Variants in ODAD4 observed in about 807,000 individuals in gnomAD.
The protein encoded by ODAD4 is outer dynein arm docking complex subunit 4.
A neutral mutation model predicts 51.8 loss-of-function variants in ODAD4; 49 were observed. That is an observed-to-expected ratio of 0.95 (90% CI 0.75 to 1.20). The LOEUF (loss-of-function observed/expected upper bound fraction) is 1.20. ODAD4 is among the 50% of genes most tolerant of loss of function. ODAD4 has a pLI of 0.00. For missense variants in ODAD4, 590 were observed against 586.5 expected (o/e 1.01, Z -0.06); for synonymous variants, 235 against 221.3 (o/e 1.06, Z -0.55).
chr17:41,947,415 G>A lies in ODAD4; in HGVS notation c.1146-1738G>A, dbSNP rs1319120842. 5.9e-5 allele frequency among the ~76,000 whole-genome samples: 9 copies of A among 151,626 alleles called. No individual in the cohort carries two copies. The East Asian group carries it at 1.8e-3, about 30-fold the overall frequency. ...CAGGAGAATTGCTTGAACCCAGGAGGCGAAGGTTGAAGTGAGCCGAGATCA... is the reference window on the plus strand; with the variant it reads ...CAGGAGAATTGCTTGAACCCAGGAGACGAAGGTTGAAGTGAGCCGAGATCA... On this transcript the variant is annotated intron_variant, in intron 8 of 11. Coordinates refer to ENST00000377540, the MANE Select transcript of ODAD4 (RefSeq NM_031421.5).
At chr17:41,957,496 T>C (rs2050748953) in intron 10 of ODAD4, among the ~76,000 whole-genome samples, 1 of 152,202 alleles carries the variant, frequency 6.6e-6, no homozygotes, top group African/African-American at 2.4e-5. Context: ...TAACAGGCCA[T>C]GGACCAGTCA....
chr17:41,952,012 A>G (rs1174579476), intron 9 of ODAD4, among the ~76,000 whole-genome samples: 1 of 151,856 alleles, frequency 6.6e-6, no homozygotes, highest in Non-Finnish European at 1.5e-5. Flanking sequence ...AGCCTGGGCA[A>G]CATAGGGAGA....
chr17:41,947,309 TA>T (rs1290047327), intron 8 of ODAD4, among the ~76,000 whole-genome samples: 6 of 144,386 alleles, frequency 4.2e-5, no homozygotes, highest in Admixed American at 1.4e-4. Context: ...CTGTCTCTAC[TA>T]AAAAAAAAGA....
At chr17:41,946,889 C>G (rs1249237198) in intron 8 of ODAD4, among the ~76,000 whole-genome samples, 1 of 151,320 alleles carries the variant, frequency 6.6e-6, no homozygotes, top group Admixed American at 6.6e-5. Context: ...CTCGCTCTGT[C>G]CCCCACGCTG....
At chr17:41,943,082 C>G (rs1275122099) in intron 7 of ODAD4, among the ~76,000 whole-genome samples, 1 of 152,114 alleles carries the variant, frequency 6.6e-6, no homozygotes, top group African/African-American at 2.4e-5. Flanking sequence ...ACCAGAACTG[C>G]GTGGTACTGA....
chr17:41,947,786 ACT>A (rs2050607341), intron 8 of ODAD4, among the ~76,000 whole-genome samples: 2 of 150,488 alleles, frequency 1.3e-5, no homozygotes, highest in South Asian at 4.2e-4. Context: ...CAAGAGCGAA[ACT>A]CTGTCTCAAA....
chr17:41,939,369 C>A (rs962558793), intron 7 of ODAD4, among the ~76,000 whole-genome samples, 197 bp downstream of exon 7: 32 of 152,254 alleles, frequency 2.1e-4, no homozygotes, highest in African/African-American at 7.2e-4. Flanking sequence ...TTTTTTGCCA[C>A]CAAAAGGGTA....
intron 7 of ODAD4, among the ~76,000 whole-genome samples, chr17:41,944,421 CACACACACACACACACACACACA>C (rs1238892964): frequency 1.4e-4 from 2 of 14,266 alleles, no homozygotes; most frequent in South Asian, 8.5e-3. Flanking sequence ...CACACACACA[CACACACACACACACACACACACA>C]CCCCCCCGCA....
intron 9 of ODAD4, among the ~76,000 whole-genome samples, chr17:41,951,525 C>T (rs988887751): frequency 1.3e-5 from 2 of 150,546 alleles, no homozygotes; most frequent in Middle Eastern, 6.3e-3. Context: ...CTGCAACCTC[C>T]GCCTCCCGGG....
intron 1 of ODAD4, among the ~76,000 whole-genome samples, chr17:41,932,195 G>A (rs1268236373): frequency 6.6e-6 from 1 of 152,132 alleles, no homozygotes; most frequent in Middle Eastern, 3.4e-3. Context: ...TCAGCCTCCC[G>A]AGTAGCTGGG....
chr17:41,935,669 G>C lies in ODAD4; in HGVS notation c.317G>C (p.Arg106Pro), dbSNP rs782279998. Reference sequence around the variant, plus strand: ...GAGTTTGCCTTGGTATTCTATCATCGAGGCTACAAGCTGAGGCCTGATCGG... The same window carrying C: ...GAGTTTGCCTTGGTATTCTATCATCCAGGCTACAAGCTGAGGCCTGATCGG... Reference protein sequence around the residue: ...DFEFALVFYHRGYKLRPDREF... With the variant: ...DFEFALVFYHPGYKLRPDREF... Residue 106 changes from arginine to proline, a missense_variant, in exon 3 of 12, where the codon CGA becomes CCA. Transcript: ENST00000377540. 2 of 1,613,550 alleles carry C rather than the reference G, an allele frequency of 1.2e-6. No homozygotes were observed. Among genetic ancestry groups the C allele is most frequent in the Admixed American group, 1.7e-5 (1 of 59,952 alleles).
In ODAD4 at chr17:41,930,626, C is replaced by A; in HGVS notation, c.-98C>A. The A allele has an allele frequency of 1.2e-6, 1 of 808,236 alleles. No individual in the cohort carries two copies. Among genetic ancestry groups the A allele is most frequent in the Non-Finnish European group, 2.0e-6 (1 of 493,816 alleles). 50.1% of individuals were successfully genotyped at this position (808,236 alleles called of 1,614,324 possible). A position where few individuals can be genotyped will look rare whatever the true frequency, so the allele number is the denominator to read the frequency against. The stretch of plus-strand genomic sequence containing the variant: ...GGCGGAACCGGAAGTCGCTGTACAT[C>A]TCATGGTTGCTAAGAAACGGAGCTT... On this transcript the variant is annotated 5_prime_UTR_variant, in exon 1 of 12. Coordinates refer to ENST00000377540, the MANE Select transcript of ODAD4 (RefSeq NM_031421.5).
Position 41,930,627 on chromosome 17 carries a change from T to A in ODAD4, c.-97T>A, listed in dbSNP as rs1245640577. 1 of 811,962 alleles carries A rather than the reference T, an allele frequency of 1.2e-6. No homozygotes were observed. Among genetic ancestry groups the A allele is most frequent in the African/African-American group, 1.7e-5 (1 of 58,222 alleles). The allele number at this position is 811,962 out of a possible 1,614,324, so 50.3% of individuals were successfully genotyped here. ...GCGGAACCGGAAGTCGCTGTACATC[T>A]CATGGTTGCTAAGAAACGGAGCTTC... On this transcript the variant is annotated 5_prime_UTR_variant, in exon 1 of 12. Coordinates refer to ENST00000377540, the MANE Select transcript of ODAD4 (RefSeq NM_031421.5).
chr17:41,954,935 T>C, intron 9 of ODAD4: 1 of 468,222 alleles, frequency 2.1e-6, no homozygotes, highest in South Asian at 2.0e-5. Context: ...TGGAGACATA[T>C]GATGTATGCA....
intron 9 of ODAD4, chr17:41,952,505 G>C (rs911201731): frequency 3.9e-6 from 1 of 253,848 alleles, no homozygotes; most frequent in Non-Finnish European, 7.5e-6. Context: ...CTGCATTCCA[G>C]CCTGGGATAC....
chr17:41,950,962 T>G (rs1056969996), intron 9 of ODAD4, among the ~76,000 whole-genome samples: 134,025 of 152,056 alleles, frequency 0.88, 59,447 homozygotes, highest in East Asian at 1. Flanking sequence ...TGCCCGCCTC[T>G]GCCTCCCAAA....
At chr17:41,932,554 G>T (rs951207251) in intron 1 of ODAD4, among the ~76,000 whole-genome samples, 61 of 151,676 alleles carry the variant, frequency 4.0e-4, no homozygotes, top group African/African-American at 1.4e-3. Context: ...TTGTTTGTTT[G>T]TTTTTTCAGA....
chr17:41,947,963 A>G (rs1291146399), intron 8 of ODAD4, among the ~76,000 whole-genome samples: 1 of 144,462 alleles, frequency 6.9e-6, no homozygotes, highest in Non-Finnish European at 1.5e-5. Context: ...TACTAAAAAT[A>G]CAAAATTGGC....
chr17:41,958,032 C>G lies in ODAD4; in HGVS notation c.1443+2715C>G, dbSNP rs1165835698. On this transcript the variant is annotated intron_variant, in intron 10 of 11. Coordinates refer to ENST00000377540, the MANE Select transcript of ODAD4 (RefSeq NM_031421.5). ...ACTCAAGCGATCCTCCTGTCTCAGC[C>G]TTTTAAAGTGTTGGGATTACAGGTG... Among the ~76,000 whole-genome samples the G allele has an allele frequency of 3.9e-5, 6 of 152,142 alleles. No homozygotes were observed. The East Asian group carries it at 1.2e-3, about 29-fold the overall frequency.
Sources: gnomAD v4.1 joint callset for allele counts (sites outside exome capture counted in the v4.1 genomes callset) on GRCh38, gnomAD v4.1.1 for gene constraint, MANE v1.5 for transcripts, NCBI Gene and HGNC (gene_info 2026-07-23, HGNC 2026-07-21) for gene names.